Variants in GPC6 observed in about 807,000 individuals in gnomAD.
GPC6 encodes glypican 6, also known as glypican-6.
In GPC6, 14 loss-of-function variants were observed where a neutral mutation model predicts 55.2. The ratio of observed to expected loss-of-function variants is 0.25; its 90% CI spans 0.17 to 0.40. GPC6 has a LOEUF of 0.40. Among genes scored for constraint, GPC6 ranks in the 10% least tolerant of loss-of-function variants. The pLI is 1.00. For synonymous variants in GPC6, 278 were observed against 259.6 expected, an observed-to-expected ratio of 1.07 and a Z score of -0.68; for missense variants, 641 against 708.5, an observed-to-expected ratio of 0.90 and a Z score of 1.08.
chr13:93,759,323 GT>G (rs1884882789), intron 2 of GPC6, among the ~76,000 whole-genome samples: 1 of 152,168 alleles, frequency 6.6e-6, no homozygotes, highest in Non-Finnish European at 1.5e-5. Context: ...GAGTAGCTGT[GT>G]TTTGAAGCAA....
intron 3 of GPC6, among the ~76,000 whole-genome samples, chr13:93,911,109 G>T (rs1380333288): frequency 2.0e-5 from 3 of 152,190 alleles, no homozygotes; most frequent in African/African-American, 4.8e-5. Flanking sequence ...AAGGTATAAA[G>T]AAGTGGTAGA....
intron 7 of GPC6, among the ~76,000 whole-genome samples, chr13:94,392,085 T>A (rs1006844941): frequency 2.6e-5 from 4 of 152,234 alleles, no homozygotes; most frequent in African/African-American, 9.6e-5. Flanking sequence ...TGAATGGTAC[T>A]GTGAGCAGAG....
chr13:93,420,024 AC>A (rs1378977272), intron 1 of GPC6, among the ~76,000 whole-genome samples: 2 of 151,554 alleles, frequency 1.3e-5, no homozygotes, highest in Admixed American at 1.3e-4. Flanking sequence ...ATAATATCCA[AC>A]CCCAACACAC....
rs931124429 is a variant in GPC6 at position 94,405,494 on chromosome 13, C to T, written c.*2277C>T. 1.3e-5 allele frequency: 2 copies of T among 152,128 alleles called. No homozygotes were observed. Among genetic ancestry groups the T allele is most frequent in the African/African-American group, 4.8e-5 (2 of 41,430 alleles). The allele number at this position is 152,128 out of a possible 1,614,324, so 9.4% of individuals were successfully genotyped here. ...AATAACTTGCTTTTATGGCTTTAAA[C>T]TCCAGGTCTTTCCTTTTTAAAATAT... On this transcript the variant is annotated 3_prime_UTR_variant, in exon 9 of 9. Transcript: ENST00000377047.
At chr13:94,240,988 A>G (rs184068778) in intron 4 of GPC6, among the ~76,000 whole-genome samples, 87 of 152,294 alleles carry the variant, frequency 5.7e-4, no homozygotes, top group African/African-American at 2.1e-3. Context: ...CTTGAGCTGC[A>G]TGTTTGTGTG....
In GPC6 at chr13:93,496,396, G is replaced by A. The variant is rs552823737; in HGVS notation, c.161-48867G>A. ...CCTGCTTCGGCTCGCGCACCCACTG[G>A]CCTGCGCCCACTGTCTGGCACTCCC... is the stretch of plus-strand genomic sequence containing the variant. On this transcript the variant is annotated intron_variant, in intron 1 of 8. Coordinates refer to ENST00000377047, the MANE Select transcript of GPC6 (RefSeq NM_005708.5). Among the ~76,000 whole-genome samples, 20 of 152,234 alleles carry A rather than the reference G, an allele frequency of 1.3e-4. 2 individuals carry two copies. The highest frequency in any genetic ancestry group is 4.1e-4 in the African/African-American group (17 of 41,552).
At chr13:93,241,267 A>G (rs1381152452) in intron 1 of GPC6, among the ~76,000 whole-genome samples, 2 of 152,210 alleles carry the variant, frequency 1.3e-5, no homozygotes, top group African/African-American at 4.8e-5. Context: ...CTCCTTCAGG[A>G]ATACCTATGA....
chr13:93,256,846 A>G (rs74398692), intron 1 of GPC6, among the ~76,000 whole-genome samples: 5,416 of 152,260 alleles, frequency 0.036, 314 homozygotes, highest in African/African-American at 0.12. Flanking sequence ...GGTATTTCAC[A>G]TTGAGACTGA....
intron 1 of GPC6, among the ~76,000 whole-genome samples, chr13:93,301,867 C>A (rs1007671998): frequency 2.0e-5 from 3 of 152,096 alleles, no homozygotes; most frequent in Non-Finnish European, 4.4e-5. Flanking sequence ...AAATGGTGGA[C>A]CTCCTTGGAG....
At chr13:93,783,834 G>A (rs1480954618) in intron 2 of GPC6, among the ~76,000 whole-genome samples, 2 of 151,984 alleles carry the variant, frequency 1.3e-5, no homozygotes, top group East Asian at 3.8e-4. Context: ...CCCTCTCCTA[G>A]AATAATCTTG....
chr13:94,052,585 C>A (rs527818845), intron 4 of GPC6, among the ~76,000 whole-genome samples: 33 of 152,236 alleles, frequency 2.2e-4, no homozygotes, highest in Admixed American at 1.7e-3. Flanking sequence ...GATTTCAACT[C>A]TTCTATACTC....
intron 2 of GPC6, among the ~76,000 whole-genome samples, chr13:93,758,861 C>G (rs1884866042): frequency 6.6e-6 from 1 of 152,112 alleles, no homozygotes; most frequent in African/African-American, 2.4e-5. Flanking sequence ...TTCTTGTTCG[C>G]AGGTTTAATT....
chr13:94,177,872 T>C lies in GPC6; in HGVS notation c.878-108477T>C, dbSNP rs767249962. On this transcript the variant is annotated intron_variant, in intron 4 of 8. Coordinates refer to ENST00000377047, the MANE Select transcript of GPC6 (RefSeq NM_005708.5). ...GACAACTTAATCATTGTCATCTTCC[T>C]CTGAATACATATTTGTCCTTAATTT... is the stretch of plus-strand genomic sequence containing the variant. Among the ~76,000 whole-genome samples the C allele has an allele frequency of 6.6e-5, 10 of 152,196 alleles. 1 individual carries two copies. Among genetic ancestry groups the C allele is most frequent in the African/African-American group, 2.2e-4 (9 of 41,452 alleles).
At chr13:94,129,324 TA>T (rs899500984) in intron 4 of GPC6, among the ~76,000 whole-genome samples, 25 of 152,244 alleles carry the variant, frequency 1.6e-4, no homozygotes, top group African/African-American at 6.0e-4. Flanking sequence ...CGCCTCTCTA[TA>T]AGCAGGGAAT....
rs1237854954 is a variant in GPC6 at position 93,566,530 on chromosome 13, T to A, written c.319+21109T>A. On this transcript the variant is annotated intron_variant, in intron 2 of 8. Transcript: ENST00000377047. Reference sequence around the variant, plus strand: ...AATCTAGTTGTCAAGTTGGAGAAAGTTTTTTTTTTTTTGCTTGTTTTTTTT... The same window carrying A: ...AATCTAGTTGTCAAGTTGGAGAAAGATTTTTTTTTTTTGCTTGTTTTTTTT... Among the ~76,000 whole-genome samples the A allele has an allele frequency of 4.0e-4, 9 of 22,598 alleles. No homozygotes were observed. The South Asian group carries it at 0.021, about 53-fold the overall frequency. The allele number at this position is 22,598 out of a possible 152,430, so 14.8% of individuals were successfully genotyped here.
At chr13:94,284,899 CT>C (rs1420356852) in intron 4 of GPC6, among the ~76,000 whole-genome samples, 1 of 151,114 alleles carries the variant, frequency 6.6e-6, no homozygotes, top group Non-Finnish European at 1.5e-5. Flanking sequence ...GAAATCTACC[CT>C]CAGCAAATTT....
At chr13:94,242,068 C>A (rs984942779) in intron 4 of GPC6, among the ~76,000 whole-genome samples, 1 of 151,786 alleles carries the variant, frequency 6.6e-6, no homozygotes, top group Non-Finnish European at 1.5e-5. Context: ...TCCCTCCCCA[C>A]TCCCCCCACC....
chr13:93,434,098 C>G (rs905193349), intron 1 of GPC6, among the ~76,000 whole-genome samples: 1 of 152,204 alleles, frequency 6.6e-6, no homozygotes, highest in African/African-American at 2.4e-5. Context: ...ATATTGCTCT[C>G]TGGCATCCAG....
At chr13:93,267,770 G>C (rs990275414) in intron 1 of GPC6, among the ~76,000 whole-genome samples, 3 of 152,122 alleles carry the variant, frequency 2.0e-5, no homozygotes, top group South Asian at 2.1e-4. Context: ...CCTGGCCAAA[G>C]TAACAGGCTA....
Sources: gnomAD v4.1 joint callset for allele counts (sites outside exome capture counted in the v4.1 genomes callset) on GRCh38, gnomAD v4.1.1 for gene constraint, MANE v1.5 for transcripts, NCBI Gene and HGNC (gene_info 2026-07-23, HGNC 2026-07-21) for gene names.